SCAPER: variants seen among roughly 807,000 people sequenced by gnomAD.
SCAPER encodes S-phase cyclin A associated protein in the ER.
SCAPER carries 98 observed loss-of-function variants against 182.2 expected under a neutral mutation model. The observed-to-expected ratio is 0.54, with a 90% CI of 0.46 to 0.64. SCAPER has a LOEUF of 0.64. SCAPER is among the 30% of genes least tolerant of loss of function. The pLI, the probability that SCAPER is intolerant of heterozygous loss-of-function variation, is 0.00. For missense variants in SCAPER, 1,432 were observed against 1,690.0 expected, an observed-to-expected ratio of 0.85 and a Z score of 2.68; for synonymous variants, 605 against 564.6, an observed-to-expected ratio of 1.07 and a Z score of -1.01.
chr15:76,665,835 A>C, intron 20 of SCAPER, 46 bp from the exon 21 acceptor site: 1 of 1,411,740 alleles, frequency 7.1e-7, no homozygotes, highest in Non-Finnish European at 9.4e-7. Context: ...ATGATCATTT[A>C]AATATAATAT....
In SCAPER at chr15:76,538,460, G is replaced by A. The variant is rs1186789628; in HGVS notation, c.2839-33486C>T. The stretch of plus-strand genomic sequence containing the variant: ...AAATCATCATTCTCAGTAAACTATC[G>A]CAAGGACAAAAAACCAAACACTGCA... On this transcript the variant is annotated intron_variant, in intron 23 of 31. Coordinates refer to ENST00000563290, the MANE Select transcript of SCAPER (RefSeq NM_020843.4). 5.3e-5 allele frequency among the ~76,000 whole-genome samples: 8 copies of A among 151,638 alleles called. No homozygotes were observed. In the East Asian group the frequency reaches 5.8e-4, roughly 11 times the overall value.
intron 22 of SCAPER, among the ~76,000 whole-genome samples, chr15:76,582,775 G>A (rs976406394): frequency 3.3e-5 from 5 of 152,132 alleles, no homozygotes; most frequent in Admixed American, 3.3e-4. Context: ...GAATACAATA[G>A]AGAATCTAGA....
At chr15:76,741,054 C>A (rs1432750658) in intron 15 of SCAPER, among the ~76,000 whole-genome samples, 1 of 151,902 alleles carries the variant, frequency 6.6e-6, no homozygotes, top group Non-Finnish European at 1.5e-5. Context: ...AGAATGAATT[C>A]TTGTGATTAA....
Position 76,600,442 on chromosome 15 carries a change from T to TATAC in SCAPER, c.2711+21321_2711+21322insGTAT, listed in dbSNP as rs1351641857. 8.3e-3 allele frequency among the ~76,000 whole-genome samples: 265 copies of TATAC among 32,038 alleles called. 37 individuals carry two copies. Among genetic ancestry groups the TATAC allele is most frequent in the African/African-American group, 0.018 (242 of 13,596 alleles). The allele number at this position is 32,038 out of a possible 152,430, so 21.0% of individuals were successfully genotyped here. Reference sequence around the variant, plus strand: ...GTGTGTGTGTGTGTATACATATACATATATATATATATTTTTTTTTTTTTG... The same window carrying TATAC: ...GTGTGTGTGTGTGTATACATATACATATACATATATATATATTTTTTTTTTTTTG... On this transcript the variant is annotated intron_variant, in intron 22 of 31. Coordinates refer to ENST00000563290, the MANE Select transcript of SCAPER (RefSeq NM_020843.4).
At chr15:76,391,477 G>A (rs1160216173) in intron 27 of SCAPER, among the ~76,000 whole-genome samples, 2 of 152,198 alleles carry the variant, frequency 1.3e-5, no homozygotes, top group African/African-American at 4.8e-5. Context: ...ATAGGTATGA[G>A]TAAATATTTG....
At chr15:76,845,684 G>T (rs2069996531) in intron 4 of SCAPER, among the ~76,000 whole-genome samples, 2 of 151,888 alleles carry the variant, frequency 1.3e-5, no homozygotes, top group Non-Finnish European at 2.9e-5. Context: ...ACTGATAAAA[G>T]AAATTGAAGA....
At chr15:76,669,355 A>T (rs2056851491) in intron 20 of SCAPER, among the ~76,000 whole-genome samples, 1 of 151,594 alleles carries the variant, frequency 6.6e-6, no homozygotes, top group Non-Finnish European at 1.5e-5. Flanking sequence ...GCAATGATTT[A>T]AGTAGTAAGT....
intron 6 of SCAPER, among the ~76,000 whole-genome samples, chr15:76,802,995 C>T (rs2065904158): frequency 6.6e-6 from 1 of 152,084 alleles, no homozygotes; most frequent in Admixed American, 6.5e-5. Flanking sequence ...TCTGAGTAGC[C>T]ATCATCTCTA....
rs187852718 is a variant in SCAPER at position 76,522,163 on chromosome 15, T to C, written c.2839-17189A>G. Reference sequence around the variant, plus strand: ...TATTTCTCATTTACATGGGGAATTCTATTCTGAAAAATCCAAAATGCATTG... The same window carrying C: ...TATTTCTCATTTACATGGGGAATTCCATTCTGAAAAATCCAAAATGCATTG... On this transcript the variant is annotated intron_variant, in intron 23 of 31. Transcript: ENST00000563290. Among the ~76,000 whole-genome samples the C allele has an allele frequency of 2.5e-3, 385 of 152,320 alleles. 1 individual carries two copies. The highest frequency in any genetic ancestry group is 6.8e-3 in the Middle Eastern group (2 of 294).
chr15:76,785,828 C>T (rs933312786), intron 8 of SCAPER, among the ~76,000 whole-genome samples: 5 of 152,024 alleles, frequency 3.3e-5, no homozygotes, highest in South Asian at 2.1e-4. Context: ...CTGAACAACG[C>T]GAACACCTGG....
intron 17 of SCAPER, among the ~76,000 whole-genome samples, chr15:76,721,064 A>G (rs2150963916): frequency 6.6e-6 from 1 of 152,270 alleles, no homozygotes; most frequent in South Asian, 2.1e-4. Flanking sequence ...TTTAGGTCTA[A>G]CCTTTAAGTC....
intron 26 of SCAPER, among the ~76,000 whole-genome samples, chr15:76,413,079 C>G (rs1262493260): frequency 1.3e-5 from 2 of 152,072 alleles, no homozygotes; most frequent in African/African-American, 4.8e-5. Context: ...TTTGTATATT[C>G]AAACCTTGCT....
chr15:76,513,421 G>T (rs777091096), intron 23 of SCAPER, among the ~76,000 whole-genome samples: 9 of 152,128 alleles, frequency 5.9e-5, no homozygotes, highest in Non-Finnish European at 2.9e-5. Context: ...CATGGGGACA[G>T]AAAGGGAAAA....
At chr15:76,752,578 T>C (rs921340431) in intron 15 of SCAPER, among the ~76,000 whole-genome samples, 3 of 151,720 alleles carry the variant, frequency 2.0e-5, no homozygotes, top group African/African-American at 7.2e-5. Context: ...TAACATATGC[T>C]ATAACACTGA....
At chr15:76,814,943 T>C (rs1568226314) in intron 5 of SCAPER, among the ~76,000 whole-genome samples, 2 of 151,880 alleles carry the variant, frequency 1.3e-5, no homozygotes, top group African/African-American at 2.4e-5. Context: ...GATTTAAAAA[T>C]GGGCAAAGAA....
At chr15:76,500,855 C>T (rs142896189) in intron 24 of SCAPER, among the ~76,000 whole-genome samples, 1,717 of 151,942 alleles carry the variant, frequency 0.011, 39 homozygotes, top group African/African-American at 0.038. Context: ...TCCTGGCTAA[C>T]ATCGTGAAAC....
intron 20 of SCAPER, among the ~76,000 whole-genome samples, chr15:76,700,680 T>C (rs2147249481): frequency 6.6e-6 from 1 of 152,234 alleles, no homozygotes; most frequent in East Asian, 1.9e-4. Flanking sequence ...TCTTCCTGTT[T>C]CCCCTTCTTT....
Position 76,672,075 on chromosome 15 carries a change from A to G in SCAPER, c.2509-6286T>C, listed in dbSNP as rs73461319. On this transcript the variant is annotated intron_variant, in intron 20 of 31. Transcript: ENST00000563290. ...AAATGAGCCACCAGGGATCCCTTCC[A>G]GGAGAAACTGCTGGGAAAGGAATTT... 4.3e-3 allele frequency among the ~76,000 whole-genome samples: 658 copies of G among 152,250 alleles called. 7 individuals carry two copies. The highest frequency in any genetic ancestry group is 0.015 in the African/African-American group (627 of 41,550).
At chr15:76,815,903 T>C (rs984076507) in intron 5 of SCAPER, among the ~76,000 whole-genome samples, 1 of 152,246 alleles carries the variant, frequency 6.6e-6, no homozygotes, top group African/African-American at 2.4e-5. Context: ...AGCATGTTAC[T>C]ATACTGAATA....
Sources: gnomAD v4.1 joint callset for allele counts (sites outside exome capture counted in the v4.1 genomes callset) on GRCh38, gnomAD v4.1.1 for gene constraint, MANE v1.5 for transcripts, NCBI Gene and HGNC (gene_info 2026-07-23, HGNC 2026-07-21) for gene names.